Variants in KCNJ10 observed in about 807,000 individuals in gnomAD.
KCNJ10 encodes ATP-sensitive inward rectifier potassium channel 10.
KCNJ10 carries 9 observed loss-of-function variants against 22.2 expected under a neutral mutation model. The ratio of observed to expected loss-of-function variants is 0.40; its 90% CI spans 0.24 to 0.71. The LOEUF (loss-of-function observed/expected upper bound fraction) is 0.71. KCNJ10 is among the 30% of genes least tolerant of loss of function. The pLI is 0.35. For synonymous variants in KCNJ10, 184 were observed against 187.3 expected (o/e 0.98, Z 0.15); for missense variants, 337 against 482.7 (o/e 0.70, Z 2.83).
At position 160,058,128 on chromosome 1, in the gene KCNJ10, T is replaced by G. The variant is rs921768687; in HGVS notation, c.-1+11894A>C. On this transcript the variant is annotated intron_variant, in intron 1 of 1. Coordinates refer to ENST00000644903, the MANE Select transcript of KCNJ10 (RefSeq NM_002241.5). The stretch of plus-strand genomic sequence containing the variant: ...TTCTCAGTGCCTGGCATTTCTTGAC[T>G]TTAAAGAGCCTGTAGGATTGATGTT... Among the ~76,000 whole-genome samples, 10 of 152,358 alleles carry G rather than the reference T, an allele frequency of 6.6e-5. No individual in the cohort carries two copies. The Middle Eastern group carries it at 0.01, about 155-fold the overall frequency.
At chr1:160,054,728 C>T (rs1035925883) in intron 1 of KCNJ10, among the ~76,000 whole-genome samples, 4 of 150,114 alleles carry the variant, frequency 2.7e-5, no homozygotes, top group Admixed American at 2.0e-4. Context: ...CCCCGAGATT[C>T]CCCATAGGAA....
At chr1:160,051,874 C>T (rs1319728167) in intron 1 of KCNJ10, among the ~76,000 whole-genome samples, 2 of 152,034 alleles carry the variant, frequency 1.3e-5, no homozygotes, top group Admixed American at 6.6e-5. Flanking sequence ...CTCCCCGACC[C>T]GTTCCTCCTT....
At chr1:160,057,291 AC>A (rs1649064892) in intron 1 of KCNJ10, among the ~76,000 whole-genome samples, 1 of 152,186 alleles carries the variant, frequency 6.6e-6, no homozygotes, top group Admixed American at 6.5e-5. Context: ...GCAAAGCCAG[AC>A]CCCATGTCTC....
At chr1:160,051,274 C>G (rs1270804920) in intron 1 of KCNJ10, among the ~76,000 whole-genome samples, 1 of 152,112 alleles carries the variant, frequency 6.6e-6, no homozygotes, top group Admixed American at 6.5e-5. Flanking sequence ...TGTTTTTTGA[C>G]TGTGGAGTAT....
At chr1:160,055,633 T>A (rs1462817915) in intron 1 of KCNJ10, among the ~76,000 whole-genome samples, 1 of 152,180 alleles carries the variant, frequency 6.6e-6, no homozygotes, top group Non-Finnish European at 1.5e-5. Flanking sequence ...GAGAGTTCCA[T>A]GTGATCATAT....
intron 1 of KCNJ10, among the ~76,000 whole-genome samples, chr1:160,047,749 G>A (rs538835633): frequency 1.8e-4 from 27 of 149,626 alleles, no homozygotes; most frequent in East Asian, 4.0e-4. Flanking sequence ...CTCACCCCCC[G>A]CCAGATGGGA....
intron 1 of KCNJ10, among the ~76,000 whole-genome samples, chr1:160,064,035 G>C (rs895413018): frequency 2.0e-4 from 31 of 152,192 alleles, no homozygotes; most frequent in African/African-American, 7.2e-4. Flanking sequence ...AACAGAGGCA[G>C]AACTTAACAT....
chr1:160,041,297 T>G lies in KCNJ10; in HGVS notation c.*96A>C. 7.9e-7 allele frequency: 1 copy of G among 1,268,216 alleles called. No individual in the cohort carries two copies. The highest frequency in any genetic ancestry group is 1.3e-5 in the South Asian group (1 of 77,898). The allele number at this position is 1,268,216 out of a possible 1,614,324, so 78.6% of individuals were successfully genotyped here. A position where few individuals can be genotyped will look rare whatever the true frequency, so the allele number is the denominator to read the frequency against. On this transcript the variant is annotated 3_prime_UTR_variant, in exon 2 of 2. Coordinates refer to ENST00000644903, the MANE Select transcript of KCNJ10 (RefSeq NM_002241.5). This position sits in a 1 kb window ranked among gnomAD's most constrained non-coding sequence, Gnocchi z 4.4. The stretch of plus-strand genomic sequence containing the variant: ...AGAAGAGGGAGTGGAGGATGGGTGC[T>G]TCGGGGGATCTCCAGTAAACCCGGG...
intron 1 of KCNJ10, among the ~76,000 whole-genome samples, chr1:160,059,082 G>A (rs1219379284): frequency 6.6e-6 from 1 of 152,166 alleles, no homozygotes; most frequent in Non-Finnish European, 1.5e-5. Flanking sequence ...GCCTCCCTAG[G>A]GGGGCAATAG....
intron 1 of KCNJ10, among the ~76,000 whole-genome samples, chr1:160,045,185 C>T (rs1040849521): frequency 6.6e-6 from 1 of 152,136 alleles, no homozygotes; most frequent in Non-Finnish European, 1.5e-5. Flanking sequence ...AATTCGGTGA[C>T]TTTAAAAATC....
At chr1:160,068,148 C>T (rs1257857349) in intron 1 of KCNJ10, 1 of 152,200 alleles carries the variant, frequency 6.6e-6, no homozygotes, top group African/African-American at 2.4e-5. Flanking sequence ...CATATGCACC[C>T]ATAGACTGGA....
chr1:160,047,006 C>T (rs923630330), intron 1 of KCNJ10, among the ~76,000 whole-genome samples: 15 of 152,198 alleles, frequency 9.9e-5, no homozygotes, highest in Admixed American at 9.8e-4. Context: ...GTGATCCTTT[C>T]CCTAAAACAA....
rs559190520 is a variant in KCNJ10 at position 160,045,674 on chromosome 1, T to TC, written c.1-3143dup. 1.8e-3 allele frequency among the ~76,000 whole-genome samples: 269 copies of TC among 152,318 alleles called. 3 individuals are homozygous for TC. The highest frequency in any genetic ancestry group is 5.6e-3 in the African/African-American group (231 of 41,568). ...AGTTGATTCTACTCTGCTCTGTTCATCCCACACCTGCAGTATCCAGCATCA... is the reference window on the plus strand; with the variant it reads ...AGTTGATTCTACTCTGCTCTGTTCATCCCCACACCTGCAGTATCCAGCATCA... On this transcript the variant is annotated intron_variant, in intron 1 of 1. Transcript: ENST00000644903.
chr1:160,064,320 TAG>T (rs1319675666), intron 1 of KCNJ10, among the ~76,000 whole-genome samples: 1 of 152,226 alleles, frequency 6.6e-6, no homozygotes, highest in African/African-American at 2.4e-5. Flanking sequence ...CAGTGTTCAG[TAG>T]AGTTTTCCAG....
chr1:160,064,165 C>T (rs1029299393), intron 1 of KCNJ10, among the ~76,000 whole-genome samples: 3 of 152,200 alleles, frequency 2.0e-5, no homozygotes, highest in Non-Finnish European at 4.4e-5. Flanking sequence ...TTCTAAGGTT[C>T]CTCTAGACTA....
At chr1:160,045,741 T>C (rs1285837062) in intron 1 of KCNJ10, among the ~76,000 whole-genome samples, 2 of 152,026 alleles carry the variant, frequency 1.3e-5, no homozygotes, top group African/African-American at 4.8e-5. Flanking sequence ...CCAGACCACA[T>C]GAGAAATGAT....
chr1:160,042,708 G>A (rs1442708498), intron 1 of KCNJ10, among the ~76,000 whole-genome samples, 176 bp from the exon 2 acceptor site: 1 of 152,134 alleles, frequency 6.6e-6, no homozygotes, highest in East Asian at 1.9e-4. Context: ...GGGCCGAGGC[G>A]GGTGGATCGC....
chr1:160,051,856 T>C (rs1158884021), intron 1 of KCNJ10, among the ~76,000 whole-genome samples: 1 of 152,062 alleles, frequency 6.6e-6, no homozygotes, highest in East Asian at 1.9e-4. Context: ...TGGCTGTCAC[T>C]AAAATGTCTC....
At chr1:160,053,844 G>A (rs1648960698) in intron 1 of KCNJ10, among the ~76,000 whole-genome samples, 1 of 152,164 alleles carries the variant, frequency 6.6e-6, no homozygotes. Context: ...CATTTCCTGG[G>A]AGTCTGTAAC....
Sources: gnomAD v4.1 joint callset for allele counts (sites outside exome capture counted in the v4.1 genomes callset) on GRCh38, gnomAD v4.1.1 for gene constraint, Gnocchi (gnomAD v3.1) non-coding constraint, MANE v1.5 for transcripts, NCBI Gene and HGNC (gene_info 2026-07-23, HGNC 2026-07-21) for gene names.